The following TUSC3 variants were observed in gnomAD, a reference collection of about 807,000 sequenced individuals.
TUSC3 encodes tumor suppressor candidate 3.
TUSC3 carries 45 observed loss-of-function variants against 44.8 expected under a neutral mutation model. The ratio of observed to expected loss-of-function variants is 1.00; its 90% CI spans 0.79 to 1.29. TUSC3 has a LOEUF of 1.29. Ranked by LOEUF, TUSC3 falls within the 50% of genes most tolerant of loss-of-function variation. The pLI is 0.00. For synonymous variants in TUSC3, 212 were observed against 152.9 expected (o/e 1.39, Z -2.85); for missense variants, 519 against 437.9 (o/e 1.19, Z -1.65).
chr8:15,456,392 A>AAATAGGAAAAATAAAAGCAAATTT (rs1800256911), intron 1 of TUSC3, among the ~76,000 whole-genome samples: 1 of 152,224 alleles, frequency 6.6e-6, no homozygotes, highest in South Asian at 2.1e-4. Flanking sequence ...AAAGCAAATT[A>AAATAGGAAAAATAAAAGCAAATTT]AATAGAAAAA....
chr8:15,642,021 T>C (rs1479875473), intron 2 of TUSC3, among the ~76,000 whole-genome samples: 1 of 152,306 alleles, frequency 6.6e-6, no homozygotes. Context: ...TCGTGTGGGC[T>C]TTTTAATATA....
At chr8:15,514,942 C>G (rs1431559090) in intron 2 of TUSC3, among the ~76,000 whole-genome samples, 1 of 152,148 alleles carries the variant, frequency 6.6e-6, no homozygotes, top group Admixed American at 6.5e-5. Flanking sequence ...TACACAAATA[C>G]TGTAGGTTCA....
At chr8:15,460,203 CT>C (rs1008621504) in intron 1 of TUSC3, among the ~76,000 whole-genome samples, 3 of 151,934 alleles carry the variant, frequency 2.0e-5, no homozygotes, top group African/African-American at 7.2e-5. Context: ...ACATCTACTG[CT>C]TTTTGATTTT....
intron 2 of TUSC3, among the ~76,000 whole-genome samples, chr8:15,500,066 A>G (rs1191835129): frequency 6.6e-6 from 1 of 152,284 alleles, no homozygotes; most frequent in South Asian, 2.1e-4. Context: ...TCTGGCCATC[A>G]TCATAACCAT....
intron 1 of TUSC3, among the ~76,000 whole-genome samples, chr8:15,445,597 G>C (rs530719877): frequency 6.6e-6 from 1 of 152,172 alleles, no homozygotes; most frequent in Non-Finnish European, 1.5e-5. Context: ...AACCCTGAGT[G>C]GACACAGCAC....
chr8:15,685,658 G>A (rs1432466898), intron 6 of TUSC3, among the ~76,000 whole-genome samples: 1 of 152,046 alleles, frequency 6.6e-6, no homozygotes, highest in Non-Finnish European at 1.5e-5. Context: ...CATCAACAGT[G>A]TACACTTGGG....
downstream of TUSC3, among the ~76,000 whole-genome samples, chr8:15,768,625 A>G (rs539993655): frequency 1.1e-4 from 17 of 152,252 alleles, no homozygotes; most frequent in African/African-American, 4.1e-4. Context: ...AAAATTATAA[A>G]AAGGATAGGA....
chr8:15,470,446 C>T (rs1800475184), intron 1 of TUSC3, among the ~76,000 whole-genome samples: 1 of 151,966 alleles, frequency 6.6e-6, no homozygotes, highest in African/African-American at 2.4e-5. Flanking sequence ...AAATTATGGG[C>T]TTTGGTTGAT....
chr8:15,600,810 C>T (rs1804255386), intron 1 of TUSC3, among the ~76,000 whole-genome samples: 1 of 151,568 alleles, frequency 6.6e-6, no homozygotes, highest in Non-Finnish European at 1.5e-5. Context: ...ATTGATCTTG[C>T]TTATAAAGGA....
chr8:15,480,187 C>T (rs1328109210), intron 1 of TUSC3, among the ~76,000 whole-genome samples: 1 of 152,110 alleles, frequency 6.6e-6, no homozygotes, highest in African/African-American at 2.4e-5. Context: ...GAAGAGGACA[C>T]AAAGAAATAG....
At chr8:15,593,829 C>T (rs1018024745) in intron 1 of TUSC3, among the ~76,000 whole-genome samples, 1 of 152,054 alleles carries the variant, frequency 6.6e-6, no homozygotes, top group Non-Finnish European at 1.5e-5. Context: ...CTTTCATATT[C>T]TCTTCCTTGC....
At chr8:15,498,826 A>G (rs1198013487) in intron 2 of TUSC3, among the ~76,000 whole-genome samples, 2 of 152,144 alleles carry the variant, frequency 1.3e-5, no homozygotes, top group Non-Finnish European at 1.5e-5. Flanking sequence ...CAGAGAGATA[A>G]CTTTCCCCAG....
the TUSC3 span, among the ~76,000 whole-genome samples, chr8:15,825,947 C>T: frequency 6.9e-6 from 1 of 145,842 alleles, no homozygotes; most frequent in Admixed American, 7.0e-5. Context: ...AGAAATTTGC[C>T]TAGGGAAATT....
At chr8:15,775,739 T>C in the TUSC3 span, among the ~76,000 whole-genome samples, 1 of 88,284 alleles carries the variant, frequency 1.1e-5, no homozygotes, top group Non-Finnish European at 2.1e-5. Flanking sequence ...TATATAACTA[T>C]ATATTACACT....
At chr8:15,491,872 G>A (rs1269562155) in intron 2 of TUSC3, among the ~76,000 whole-genome samples, 1 of 152,162 alleles carries the variant, frequency 6.6e-6, no homozygotes, top group Non-Finnish European at 1.5e-5. Flanking sequence ...TCTCTCCTAA[G>A]TAGTTTTTAA....
Position 15,459,970 on chromosome 8 carries a change from C to T in TUSC3, n.92-23416C>T, listed in dbSNP as rs537144222. On this transcript the variant is annotated intron_variant and non_coding_transcript_variant, in intron 1 of 5. Coordinates refer to the TUSC3 transcript ENST00000503191. ...CATTTGGGTTGGTTCCAGAATTTTGCAATTGCTAATTGTGCAGCTATAAAC... is the reference window on the plus strand; with the variant it reads ...CATTTGGGTTGGTTCCAGAATTTTGTAATTGCTAATTGTGCAGCTATAAAC... 6.6e-5 allele frequency among the ~76,000 whole-genome samples: 10 copies of T among 152,178 alleles called. No individual in the cohort carries two copies. The East Asian group carries it at 1.5e-3, about 24-fold the overall frequency.
chr8:15,652,541 C>G (rs1299007700), intron 3 of TUSC3, among the ~76,000 whole-genome samples: 2 of 152,040 alleles, frequency 1.3e-5, no homozygotes, highest in Non-Finnish European at 2.9e-5. Flanking sequence ...TAGTTCTCCT[C>G]TATAAGCAGC....
chr8:15,545,891 G>C (rs115192204), intron 1 of TUSC3, among the ~76,000 whole-genome samples: 2,599 of 151,680 alleles, frequency 0.017, 95 homozygotes, highest in African/African-American at 0.058. Flanking sequence ...CGTTTATTTG[G>C]CATGTCAGAC....
At chr8:15,751,866 A>C (rs1811719817) in intron 9 of TUSC3, among the ~76,000 whole-genome samples, 1 of 152,162 alleles carries the variant, frequency 6.6e-6, no homozygotes, top group South Asian at 2.1e-4. Context: ...TGTGGGTTTT[A>C]AGAATCAGGT....
Sources: allele counts gnomAD v4.1 joint callset (sites outside exome capture counted in the v4.1 genomes callset), GRCh38; gene constraint gnomAD v4.1.1; transcripts MANE v1.5; gene names NCBI Gene and HGNC (gene_info 2026-07-23, HGNC 2026-07-21).